DCDC2C: variants seen among roughly 807,000 people sequenced by gnomAD.
DCDC2C encodes doublecortin domain containing 2C.
Under a neutral mutation model 45.0 loss-of-function variants are expected in DCDC2C, and 44 were observed. The observed-to-expected ratio is 0.98, with a 90% CI of 0.77 to 1.26. The LOEUF is 1.26. Ranked by LOEUF, DCDC2C falls within the 50% of genes most tolerant of loss-of-function variation. DCDC2C has a pLI of 0.00. For synonymous variants in DCDC2C, 187 were observed against 178.8 expected, an observed-to-expected ratio of 1.05 and a Z score of -0.37; for missense variants, 447 against 468.9, an observed-to-expected ratio of 0.95 and a Z score of 0.43.
At chr2:3,782,257 C>T (rs941124136) in intron 9 of DCDC2C, among the ~76,000 whole-genome samples, 1 of 152,136 alleles carries the variant, frequency 6.6e-6, no homozygotes, top group African/African-American at 2.4e-5. Flanking sequence ...AGGGTGCATT[C>T]ATTTTATAAT....
At chr2:3,820,340 A>T (rs1047128075) in intron 10 of DCDC2C, among the ~76,000 whole-genome samples, 1 of 152,222 alleles carries the variant, frequency 6.6e-6, no homozygotes, top group East Asian at 1.9e-4. Flanking sequence ...TTTTGAGAAC[A>T]CAGGCTAAGG....
At chr2:3,704,181 C>A in intron 1 of DCDC2C, 143 bp downstream of exon 1, 1 of 789,830 alleles carries the variant, frequency 1.3e-6, no homozygotes, top group Non-Finnish European at 1.7e-6. Context: ...GGATCCAGCG[C>A]AGCCGGCGTC....
intron 10 of DCDC2C, among the ~76,000 whole-genome samples, chr2:3,793,115 G>A (rs545977887): frequency 1.3e-4 from 20 of 152,064 alleles, no homozygotes; most frequent in East Asian, 7.7e-4. Context: ...TATCCACGGC[G>A]TTGCAAAAAA....
At chr2:3,719,295 T>C (rs181284182) in intron 2 of DCDC2C, among the ~76,000 whole-genome samples, 133 of 152,252 alleles carry the variant, frequency 8.7e-4, no homozygotes, top group Non-Finnish European at 4.1e-4. Context: ...CCATGTTAGC[T>C]AGGATGGTCT....
At chr2:3,718,401 G>C (rs1668401955) in intron 2 of DCDC2C, among the ~76,000 whole-genome samples, 1 of 152,174 alleles carries the variant, frequency 6.6e-6, no homozygotes, top group Non-Finnish European at 1.5e-5. Flanking sequence ...TGGAGGCATG[G>C]AGAGCATCAG....
At chr2:3,783,333 C>A (rs890028337) in intron 9 of DCDC2C, among the ~76,000 whole-genome samples, 1 of 152,168 alleles carries the variant, frequency 6.6e-6, no homozygotes, top group African/African-American at 2.4e-5. Context: ...GTGCCTGATG[C>A]CTGCTGCACC....
intron 10 of DCDC2C, among the ~76,000 whole-genome samples, chr2:3,809,489 C>T (rs1478624227): frequency 6.6e-6 from 1 of 152,166 alleles, no homozygotes. Context: ...AGCTATTGTA[C>T]ATGGCACTTA....
At chr2:3,834,478 C>T (rs1420706275) in intron 10 of DCDC2C, among the ~76,000 whole-genome samples, 1 of 152,150 alleles carries the variant, frequency 6.6e-6, no homozygotes, top group Non-Finnish European at 1.5e-5. Context: ...ACTATAAACG[C>T]TTAGCGGGAA....
rs368060765 is a variant in DCDC2C, at chr2:3,768,732, C to T, written c.854-579C>T. 3.0e-3 allele frequency among the ~76,000 whole-genome samples: 456 copies of T among 152,212 alleles called. 4 individuals are homozygous for T. Among genetic ancestry groups the T allele is most frequent in the African/African-American group, 0.011 (442 of 41,536 alleles). Reference sequence around the variant, plus strand: ...GGGACTACAGGCACCTCTCACCACACCTGGCTAATTTTTGTATTTTTAGTA... The same window carrying T: ...GGGACTACAGGCACCTCTCACCACATCTGGCTAATTTTTGTATTTTTAGTA... On this transcript the variant is annotated intron_variant, in intron 7 of 10. Coordinates refer to ENST00000399143, the MANE Select transcript of DCDC2C (RefSeq NM_001287444.2).
chr2:3,717,425 C>T (rs1271512795), intron 2 of DCDC2C, among the ~76,000 whole-genome samples: 1 of 152,102 alleles, frequency 6.6e-6, no homozygotes, highest in Non-Finnish European at 1.5e-5. Context: ...TTTTTCTCAA[C>T]CCTTCACTCT....
At chr2:3,776,009 C>A (rs1226153224) in intron 8 of DCDC2C, among the ~76,000 whole-genome samples, 1 of 152,100 alleles carries the variant, frequency 6.6e-6, no homozygotes, top group Non-Finnish European at 1.5e-5. Flanking sequence ...AGGCAGCTGT[C>A]AGGGTACAGG....
intron 10 of DCDC2C, among the ~76,000 whole-genome samples, chr2:3,794,522 C>T (rs944866770): frequency 6.6e-6 from 1 of 152,162 alleles, no homozygotes; most frequent in Admixed American, 6.5e-5. Context: ...CCGCTCCCCC[C>T]ACCCCACAAC....
chr2:3,773,149 G>A (rs6751947), intron 8 of DCDC2C, among the ~76,000 whole-genome samples: 72,763 of 151,896 alleles, frequency 0.48, 17,694 homozygotes, highest in East Asian at 0.67. Flanking sequence ...GAGGGACAGG[G>A]TTTCGGGGTG....
In DCDC2C at chr2:3,843,571, A is replaced by T. The variant is rs117274027; in HGVS notation, c.1066-3583A>T. On this transcript the variant is annotated intron_variant, in intron 10 of 10. Coordinates refer to ENST00000399143, the MANE Select transcript of DCDC2C (RefSeq NM_001287444.2). ...GGAAAGGTAATGTTAGCATCAGGAA[A>T]TGTAGTTTGGCCGGTGAAAGGTTGA... Among the ~76,000 whole-genome samples the T allele has an allele frequency of 7.7e-4, 118 of 152,330 alleles. 1 individual carries two copies. In the East Asian group the frequency reaches 0.021, roughly 27 times the overall value.
At chr2:3,741,415 G>T (rs1669201949) in intron 3 of DCDC2C, among the ~76,000 whole-genome samples, 1 of 152,068 alleles carries the variant, frequency 6.6e-6, no homozygotes, top group African/African-American at 2.4e-5. Flanking sequence ...ATTAATCTGG[G>T]CATTTTAGAT....
rs1002843192 is a variant in DCDC2C, at chr2:3,830,302, GT to G, written c.1066-16841del. ...GAAATAACGAGTGCTTTTATTGGAG[GT>G]TTTTTTTTTTGTTCATCCATTAGTG... is the stretch of plus-strand genomic sequence containing the variant. On this transcript the variant is annotated intron_variant, in intron 10 of 10. Transcript: ENST00000399143. Among the ~76,000 whole-genome samples the G allele has an allele frequency of 1.4e-3, 204 of 147,170 alleles. 1 individual carries two copies. Among genetic ancestry groups the G allele is most frequent in the African/African-American group, 4.0e-3 (162 of 40,276 alleles).
chr2:3,728,762 AG>A (rs138057526), intron 3 of DCDC2C, among the ~76,000 whole-genome samples: 3,075 of 152,340 alleles, frequency 0.02, 107 homozygotes, highest in African/African-American at 0.07. Context: ...TTAGATGCTC[AG>A]GAGAGAAAGG....
intron 3 of DCDC2C, among the ~76,000 whole-genome samples, chr2:3,729,862 A>G (rs1323259087): frequency 6.6e-6 from 1 of 152,096 alleles, no homozygotes; most frequent in Non-Finnish European, 1.5e-5. Context: ...CTGTGGCTTG[A>G]TGCTGCTGGA....
intron 10 of DCDC2C, among the ~76,000 whole-genome samples, chr2:3,786,140 C>T (rs1670645277): frequency 6.6e-6 from 1 of 152,222 alleles, no homozygotes; most frequent in Non-Finnish European, 1.5e-5. Flanking sequence ...TGCGTCTTGC[C>T]TATGCACAGA....
Sources: allele counts gnomAD v4.1 joint callset (sites outside exome capture counted in the v4.1 genomes callset), GRCh38; gene constraint gnomAD v4.1.1; transcripts MANE v1.5; gene names NCBI Gene and HGNC (gene_info 2026-07-23, HGNC 2026-07-21).